PLCL1: variants seen among roughly 807,000 people sequenced by gnomAD.
The protein encoded by PLCL1 is phospholipase C like 1 (inactive), also known as inactive phospholipase C-like protein 1.
Under a neutral mutation model 84.4 loss-of-function variants are expected in PLCL1, and 41 were observed. The observed-to-expected ratio is 0.49, with a 90% CI of 0.38 to 0.63. PLCL1 has a LOEUF of 0.63. Ranked by LOEUF, PLCL1 falls within the 30% of genes least tolerant of loss-of-function variation. The pLI is 0.00. For missense variants in PLCL1, 1,206 were observed against 1,367.8 expected (o/e 0.88, Z 1.87); for synonymous variants, 490 against 488.3 (o/e 1.00, Z -0.05).
At chr2:197,953,540 G>A (rs1240688258) in intron 1 of PLCL1, among the ~76,000 whole-genome samples, 1 of 151,980 alleles carries the variant, frequency 6.6e-6, no homozygotes, top group African/African-American at 2.4e-5. Context: ...GGGTAATTGG[G>A]AATTATTGCA....
intron 1 of PLCL1, among the ~76,000 whole-genome samples, chr2:197,826,594 T>C (rs970173240): frequency 4.6e-5 from 7 of 152,204 alleles, no homozygotes; most frequent in African/African-American, 1.7e-4. Flanking sequence ...ATAATACATT[T>C]GGCAAAGTTA....
intron 1 of PLCL1, among the ~76,000 whole-genome samples, chr2:197,916,794 T>G (rs773810310): frequency 6.6e-6 from 1 of 151,894 alleles, no homozygotes; most frequent in African/African-American, 2.4e-5. Context: ...AAATAAAAAA[T>G]GGGCAAAAGA....
chr2:197,811,027 G>A (rs1336251846), intron 1 of PLCL1, among the ~76,000 whole-genome samples: 1 of 152,158 alleles, frequency 6.6e-6, no homozygotes, highest in South Asian at 2.1e-4. Context: ...CTTTATTATA[G>A]TGAAACCTTT....
rs1553500740 is a variant in PLCL1 at position 197,897,206 on chromosome 2, T to TCTTCC, written c.240+91867_240+91868insCTTCC. On this transcript the variant is annotated intron_variant, in intron 1 of 5. Transcript: ENST00000428675. ...TTCTTCTTCTCCTTCTCCTTCTTCTTTCTTCTTCCTCTTCTTCCTCTTCTT... is the reference window on the plus strand; with the variant it reads ...TTCTTCTTCTCCTTCTCCTTCTTCTTCTTCCTCTTCTTCCTCTTCTTCCTCTTCTT... 2.4e-4 allele frequency among the ~76,000 whole-genome samples: 17 copies of TCTTCC among 71,804 alleles called. 1 individual carries two copies. The highest frequency in any genetic ancestry group is 9.0e-4 in the African/African-American group (17 of 18,994). 47.1% of individuals were successfully genotyped at this position (71,804 alleles called of 152,430 possible). A position where few individuals can be genotyped will look rare whatever the true frequency, so the allele number is the denominator to read the frequency against.
intron 5 of PLCL1, among the ~76,000 whole-genome samples, chr2:198,110,206 T>C (rs1461539245): frequency 6.6e-6 from 1 of 151,960 alleles, no homozygotes; most frequent in Non-Finnish European, 1.5e-5. Context: ...ATGTGTGCCA[T>C]GATTCTGGGC....
Position 198,015,705 on chromosome 2 carries a change from C to T in PLCL1, c.241-68053C>T, listed in dbSNP as rs1333410203. Among the ~76,000 whole-genome samples the T allele has an allele frequency of 2.2e-4, 33 of 152,026 alleles. 1 individual carries two copies. The highest frequency in any genetic ancestry group is 2.2e-3 in the Admixed American group (33 of 15,258). ...TAACAAATGGATAAAAATATACTTA[C>T]ATATGTGATATGCATAGTGTAAGAT... is the stretch of plus-strand genomic sequence containing the variant. On this transcript the variant is annotated intron_variant, in intron 1 of 5. Coordinates refer to ENST00000428675, the MANE Select transcript of PLCL1 (RefSeq NM_006226.4).
intron 1 of PLCL1, among the ~76,000 whole-genome samples, chr2:197,920,137 A>T (rs146417173): frequency 6.6e-6 from 1 of 152,250 alleles, no homozygotes; most frequent in Non-Finnish European, 1.5e-5. Flanking sequence ...CTCAAAATTT[A>T]TCAGTGGTCC....
At chr2:198,128,778 A>C (rs1478048802) in intron 5 of PLCL1, among the ~76,000 whole-genome samples, 2 of 152,150 alleles carry the variant, frequency 1.3e-5, no homozygotes, top group Non-Finnish European at 2.9e-5. Context: ...TCTTGTTTTA[A>C]ACCATAAACT....
In PLCL1 at chr2:198,109,020, C is replaced by A. The variant is rs546410315; in HGVS notation, c.3105+5084C>A. Among the ~76,000 whole-genome samples the A allele has an allele frequency of 2.0e-5, 3 of 151,974 alleles. No homozygotes were observed. The South Asian group carries it at 6.2e-4, about 32-fold the overall frequency. ...ATCAAAATAACTCCATTCCATTCCA[C>A]CCTCACATGTTAAAAGACCTTTCCC... On this transcript the variant is annotated intron_variant, in intron 5 of 5. Coordinates refer to ENST00000428675, the MANE Select transcript of PLCL1 (RefSeq NM_006226.4).
Position 198,005,029 on chromosome 2 carries a change from G to A in PLCL1, c.241-78729G>A, listed in dbSNP as rs368977153. Reference sequence around the variant, plus strand: ...TAGAAATAGTCATTTTCTAGCTTTCGGTTCCTAAGATAGCTTAGTGAAAAT... The same window carrying A: ...TAGAAATAGTCATTTTCTAGCTTTCAGTTCCTAAGATAGCTTAGTGAAAAT... On this transcript the variant is annotated intron_variant, in intron 1 of 5. Coordinates refer to ENST00000428675, the MANE Select transcript of PLCL1 (RefSeq NM_006226.4). Among the ~76,000 whole-genome samples, 14 of 152,178 alleles carry A rather than the reference G, an allele frequency of 9.2e-5. No individual in the cohort carries two copies. The South Asian group carries it at 1.2e-3, about 14-fold the overall frequency.
chr2:197,935,604 C>A (rs1689036263), intron 1 of PLCL1, among the ~76,000 whole-genome samples: 1 of 151,984 alleles, frequency 6.6e-6, no homozygotes, highest in Non-Finnish European at 1.5e-5. Context: ...GACACGGGAA[C>A]CTATTTGAGG....
At chr2:197,979,224 G>A (rs1690052924) in intron 1 of PLCL1, among the ~76,000 whole-genome samples, 2 of 152,138 alleles carry the variant, frequency 1.3e-5, no homozygotes, top group South Asian at 2.1e-4. Flanking sequence ...CTTGGAAAAA[G>A]CCCAAATACT....
At chr2:197,886,411 CAAAAAAAAAAAAAAAAAAAAAAAAA>C (rs61183744) in intron 1 of PLCL1, among the ~76,000 whole-genome samples, 1 of 77,112 alleles carries the variant, frequency 1.3e-5, no homozygotes, top group African/African-American at 4.2e-5. Context: ...GACTCTGTCT[CAAAAAAAAAAAAAAAAAAAAAAAAA>C]AAAAAAAAAA....
At chr2:198,042,957 A>G (rs1306017699) in intron 1 of PLCL1, among the ~76,000 whole-genome samples, 1 of 152,188 alleles carries the variant, frequency 6.6e-6, no homozygotes, top group Non-Finnish European at 1.5e-5. Context: ...GTGAGGAATG[A>G]GGAGAGAATT....
chr2:197,864,942 C>T (rs1207272966), intron 1 of PLCL1, among the ~76,000 whole-genome samples: 1 of 152,180 alleles, frequency 6.6e-6, no homozygotes, highest in Non-Finnish European at 1.5e-5. Flanking sequence ...ACTAATTTCA[C>T]CTTGATCTAA....
At chr2:197,921,299 C>T (rs527320078) in intron 1 of PLCL1, among the ~76,000 whole-genome samples, 2 of 152,176 alleles carry the variant, frequency 1.3e-5, no homozygotes, top group Non-Finnish European at 2.9e-5. Context: ...GATAGCAAAC[C>T]AGCATCTATC....
intron 1 of PLCL1, among the ~76,000 whole-genome samples, chr2:198,035,061 C>T (rs530544360): frequency 1.3e-5 from 2 of 152,154 alleles, no homozygotes; most frequent in African/African-American, 4.8e-5. Context: ...TATTTCTGCA[C>T]TGTAAAATTA....
At chr2:197,841,699 A>G (rs1046867726) in intron 1 of PLCL1, among the ~76,000 whole-genome samples, 7 of 152,228 alleles carry the variant, frequency 4.6e-5, no homozygotes, top group African/African-American at 1.7e-4. Context: ...TTCTGTGTGA[A>G]TGTAGTTTTT....
chr2:197,993,731 C>A (rs1042741718), intron 1 of PLCL1, among the ~76,000 whole-genome samples: 7 of 152,176 alleles, frequency 4.6e-5, no homozygotes, highest in African/African-American at 1.4e-4. Flanking sequence ...GGGATAAATA[C>A]CCCATTCTCT....
Sources: allele counts gnomAD v4.1 joint callset (sites outside exome capture counted in the v4.1 genomes callset), GRCh38; gene constraint gnomAD v4.1.1; transcripts MANE v1.5; gene names NCBI Gene and HGNC (gene_info 2026-07-23, HGNC 2026-07-21).